Variants in CPQ observed in about 807,000 individuals in gnomAD.
CPQ encodes Ser-Met dipeptidase.
CPQ carries 37 observed loss-of-function variants against 45.7 expected under a neutral mutation model. The observed-to-expected ratio is 0.81, with a 90% CI of 0.62 to 1.07. The LOEUF is 1.07. CPQ is among the 50% of genes least tolerant of loss of function. The pLI, the probability that CPQ is intolerant of heterozygous loss-of-function variation, is 0.00. For missense variants in CPQ, 537 were observed against 572.9 expected, an observed-to-expected ratio of 0.94 and a Z score of 0.64; for synonymous variants, 186 against 205.8, an observed-to-expected ratio of 0.90 and a Z score of 0.82.
chr8:97,036,874 A>G (rs573880911), intron 6 of CPQ, among the ~76,000 whole-genome samples: 1 of 152,326 alleles, frequency 6.6e-6, no homozygotes, highest in South Asian at 2.1e-4. Context: ...TTTATTGCAC[A>G]AACTTCTGGC....
intron 1 of CPQ, among the ~76,000 whole-genome samples, chr8:96,696,566 A>C (rs112114863): frequency 0.024 from 3,615 of 152,142 alleles, 155 homozygotes; most frequent in African/African-American, 0.082. Flanking sequence ...AATAGTACAA[A>C]AGATCAATGA....
intron 5 of CPQ, among the ~76,000 whole-genome samples, chr8:96,981,337 G>A (rs1182341742): frequency 6.6e-6 from 1 of 152,114 alleles, no homozygotes; most frequent in East Asian, 1.9e-4. Flanking sequence ...TTATTGAGTT[G>A]TTGCTCTGAT....
At position 96,879,993 on chromosome 8, in the gene CPQ, A is replaced by C. The variant is rs1586436178; in HGVS notation, c.837A>C (p.Lys279Asn). ...FNTVAEITGSKYPEQVVLVSG... is the reference protein window; with the variant it reads ...FNTVAEITGSNYPEQVVLVSG... The stretch of plus-strand genomic sequence containing the variant: ...CTGTAGCAGAGATCACTGGGAGCAA[A>C]TATCCAGAACAGGTGAGTGAAGGAG... Residue 279 changes from lysine to asparagine, a missense_variant, in exon 4 of 8, where the codon AAA (lysine) becomes AAC (asparagine). Lys to Asn is a moderately conservative substitution (Grantham distance 94). Transcript: ENST00000220763. 6.2e-7 allele frequency: 1 copy of C among 1,613,864 alleles called. No individual in the cohort carries two copies. The highest frequency in any genetic ancestry group is 8.5e-7 in the Non-Finnish European group (1 of 1,179,778).
At chr8:97,068,050 G>T (rs968400120) in intron 7 of CPQ, among the ~76,000 whole-genome samples, 1 of 152,164 alleles carries the variant, frequency 6.6e-6, no homozygotes, top group Non-Finnish European at 1.5e-5. Flanking sequence ...TCAAGGTGAG[G>T]TAAGGAGCTG....
intron 3 of CPQ, among the ~76,000 whole-genome samples, chr8:96,855,701 C>T (rs1321515955): frequency 1.3e-5 from 2 of 152,156 alleles, no homozygotes; most frequent in Non-Finnish European, 2.9e-5. Flanking sequence ...CCTCACGCAT[C>T]TTACTTACTA....
At chr8:96,759,478 A>T (rs1810370912) in intron 1 of CPQ, among the ~76,000 whole-genome samples, 1 of 152,070 alleles carries the variant, frequency 6.6e-6, no homozygotes, top group South Asian at 2.1e-4. Context: ...AGACCAACTT[A>T]TTTTTTGGTG....
At chr8:96,826,891 G>A (rs1187262024) in intron 2 of CPQ, among the ~76,000 whole-genome samples, 1 of 151,988 alleles carries the variant, frequency 6.6e-6, no homozygotes, top group South Asian at 2.1e-4. Flanking sequence ...TTGATTTACT[G>A]TTTCTGCATT....
chr8:96,919,175 A>G (rs1812774369), intron 4 of CPQ, among the ~76,000 whole-genome samples: 3 of 151,940 alleles, frequency 2.0e-5, no homozygotes. Context: ...TTGTGGAAAG[A>G]AAAGGGTGTG....
At chr8:96,669,447 C>T (rs2130719085) in intron 1 of CPQ, among the ~76,000 whole-genome samples, 1 of 152,278 alleles carries the variant, frequency 6.6e-6, no homozygotes, top group South Asian at 2.1e-4. Context: ...AGTGACACCT[C>T]CCACTCTCCA....
intron 5 of CPQ, among the ~76,000 whole-genome samples, chr8:96,992,770 T>C (rs1285289724): frequency 1.3e-5 from 2 of 152,162 alleles, no homozygotes; most frequent in Non-Finnish European, 2.9e-5. Context: ...TTCCATAAAT[T>C]AACCAGAGAT....
chr8:96,774,989 G>A (rs1810588325), intron 1 of CPQ, among the ~76,000 whole-genome samples: 1 of 152,112 alleles, frequency 6.6e-6, no homozygotes, highest in Non-Finnish European at 1.5e-5. Flanking sequence ...TGCTGGTATT[G>A]GTTCAACTGC....
intron 1 of CPQ, among the ~76,000 whole-genome samples, chr8:96,648,015 GA>G (rs1402841507): frequency 6.6e-6 from 1 of 152,158 alleles, no homozygotes; most frequent in African/African-American, 2.4e-5. Flanking sequence ...TATAGACAAA[GA>G]ACAATGCCTA....
At chr8:97,087,624 G>A (rs1052947472) in intron 7 of CPQ, among the ~76,000 whole-genome samples, 39 of 152,292 alleles carry the variant, frequency 2.6e-4, no homozygotes, top group African/African-American at 8.7e-4. Flanking sequence ...TGGATGGAAG[G>A]TGAGCTAAAT....
At chr8:96,925,231 CCTT>C (rs1452299247) in intron 4 of CPQ, among the ~76,000 whole-genome samples, 1 of 152,176 alleles carries the variant, frequency 6.6e-6, no homozygotes, top group African/African-American at 2.4e-5. Context: ...CATAATTTCT[CCTT>C]CTTTAATGAA....
chr8:96,695,980 A>T (rs1201673468), intron 1 of CPQ, among the ~76,000 whole-genome samples: 3 of 150,104 alleles, frequency 2.0e-5, no homozygotes, highest in Admixed American at 1.3e-4. Context: ...TGCTATAAAG[A>T]CACATGCACA....
At chr8:96,810,550 G>A (rs114751717) in intron 2 of CPQ, among the ~76,000 whole-genome samples, 1,661 of 152,254 alleles carry the variant, frequency 0.011, 41 homozygotes, top group African/African-American at 0.036. Context: ...AAACTATGAT[G>A]TGAAAGCACT....
chr8:96,717,523 C>T lies in CPQ; in HGVS notation c.-34-67341C>T, dbSNP rs1055342673. ...CAAGAACAATATGATTTATTCTTTT[C>T]GCTTAGCCTTGCTTTGGCTATGTAG... On this transcript the variant is annotated intron_variant, in intron 1 of 7. Coordinates refer to ENST00000220763, the MANE Select transcript of CPQ (RefSeq NM_016134.4). Among the ~76,000 whole-genome samples the T allele has an allele frequency of 5.3e-5, 8 of 152,166 alleles. No homozygotes were observed. In the East Asian group the frequency reaches 5.8e-4, roughly 11 times the overall value.
chr8:96,820,167 C>G (rs1037848548), intron 2 of CPQ, among the ~76,000 whole-genome samples: 2 of 151,950 alleles, frequency 1.3e-5, no homozygotes, highest in African/African-American at 2.4e-5. Flanking sequence ...TTGTCTTGTC[C>G]CTTCTTAAAA....
At chr8:97,073,147 G>A (rs1470161900) in intron 7 of CPQ, among the ~76,000 whole-genome samples, 8 of 152,060 alleles carry the variant, frequency 5.3e-5, no homozygotes, top group Admixed American at 2.6e-4. Flanking sequence ...CAGACTCCAC[G>A]TTGAAGTACC....
Sources: allele counts gnomAD v4.1 joint callset (sites outside exome capture counted in the v4.1 genomes callset), GRCh38; gene constraint gnomAD v4.1.1; transcripts MANE v1.5; gene names NCBI Gene and HGNC (gene_info 2026-07-23, HGNC 2026-07-21).